ERICH3: variants seen among roughly 807,000 people sequenced by gnomAD.
The protein encoded by ERICH3 is glutamate rich 3.
ERICH3 carries 126 observed loss-of-function variants against 131.1 expected under a neutral mutation model. The observed-to-expected ratio is 0.96, with a 90% CI of 0.83 to 1.11. The LOEUF (loss-of-function observed/expected upper bound fraction) is 1.11, where lower values mean the gene tolerates loss of function less well. Ranked by LOEUF, ERICH3 falls within the 50% of genes most tolerant of loss-of-function variation. ERICH3 has a pLI of 0.00. For missense variants in ERICH3, 2,050 were observed against 1,810.7 expected (o/e 1.13, Z -2.40); for synonymous variants, 695 against 644.6 (o/e 1.08, Z -1.18).
intron 10 of ERICH3, among the ~76,000 whole-genome samples, chr1:74,602,701 G>T (rs1283591762): frequency 6.6e-6 from 1 of 151,748 alleles, no homozygotes; most frequent in Non-Finnish European, 1.5e-5. Flanking sequence ...TTTATCATAG[G>T]TATCATGAGT....
chr1:74,601,737 C>T (rs1001324828), intron 10 of ERICH3, among the ~76,000 whole-genome samples: 9 of 151,772 alleles, frequency 5.9e-5, no homozygotes, highest in African/African-American at 2.2e-4. Flanking sequence ...GCTGCAATTC[C>T]ATCCATAGTG....
intron 12 of ERICH3, chr1:74,579,619 G>A (rs1489682917): frequency 4.1e-6 from 4 of 985,252 alleles, no homozygotes; most frequent in Admixed American, 1.2e-4. Context: ...TCACTTGGTC[G>A]TTTTTTCTCA....
At chr1:74,577,379 C>T (rs1021010058) in intron 12 of ERICH3, 6 of 155,012 alleles carry the variant, frequency 3.9e-5, no homozygotes, top group African/African-American at 1.4e-4. Flanking sequence ...CCTCCAGCTT[C>T]CTCGGTGGCT....
chr1:74,653,383 G>A (rs1414565352), intron 1 of ERICH3, among the ~76,000 whole-genome samples: 1 of 151,912 alleles, frequency 6.6e-6, no homozygotes, highest in Non-Finnish European at 1.5e-5. Flanking sequence ...GTGTGTGTGT[G>A]TCTGTGTCTG....
At chr1:74,642,332 G>A (rs977800695) in intron 4 of ERICH3, among the ~76,000 whole-genome samples, 4 of 152,050 alleles carry the variant, frequency 2.6e-5, no homozygotes, top group Admixed American at 6.6e-5. Flanking sequence ...TTTGTGAAAC[G>A]TATCTTAGGC....
At position 74,673,676 on chromosome 1, in the gene ERICH3, C is replaced by A. The variant is rs1199746487; in HGVS notation, c.-157G>T. The A allele has an allele frequency of 3.3e-6, 2 of 614,412 alleles. No homozygotes were observed. Among genetic ancestry groups the A allele is most frequent in the East Asian group, 7.2e-5 (2 of 27,662 alleles). The allele number at this position is 614,412 out of a possible 1,614,324, so 38.1% of individuals were successfully genotyped here. Reference sequence around the variant, plus strand: ...GGGCTGGGCCGCCGCCGCCCCTGGGCGCCCGGGCTACCCGCAGCCTCCCGG... The same window carrying A: ...GGGCTGGGCCGCCGCCGCCCCTGGGAGCCCGGGCTACCCGCAGCCTCCCGG... On this transcript the variant is annotated 5_prime_UTR_variant, in exon 1 of 15. Coordinates refer to ENST00000326665, the MANE Select transcript of ERICH3 (RefSeq NM_001002912.5).
chr1:74,656,250 T>C (rs1434133360), intron 1 of ERICH3, among the ~76,000 whole-genome samples: 1 of 152,146 alleles, frequency 6.6e-6, no homozygotes, highest in Non-Finnish European at 1.5e-5. Flanking sequence ...TCTCTCACTG[T>C]TCATTGTGAG....
rs75582451 is a variant in ERICH3, at chr1:74,592,927, A to C, written c.1727-2847T>G. ...AAACTAATTTTATTTATTCTCTTAGAAATAAAGCAAATGCTTATATTAAAA... is the reference window on the plus strand; with the variant it reads ...AAACTAATTTTATTTATTCTCTTAGCAATAAAGCAAATGCTTATATTAAAA... On this transcript the variant is annotated intron_variant, in intron 11 of 14. Coordinates refer to ENST00000326665, the MANE Select transcript of ERICH3 (RefSeq NM_001002912.5). Among the ~76,000 whole-genome samples the C allele has an allele frequency of 7.1e-3, 1,084 of 152,280 alleles. 14 individuals are homozygous for C. The highest frequency in any genetic ancestry group is 0.025 in the African/African-American group (1,031 of 41,552).
At chr1:74,668,935 G>A (rs150056197) in intron 1 of ERICH3, among the ~76,000 whole-genome samples, 20 of 152,250 alleles carry the variant, frequency 1.3e-4, no homozygotes, top group African/African-American at 4.8e-4. Context: ...AGACTAGAAT[G>A]TTACTGTAGC....
Position 74,649,354 on chromosome 1 carries a change from G to C in ERICH3, c.24-39C>G, listed in dbSNP as rs779548220. ...ATAAAACCAATAAGCTTTTACAAGG[G>C]GTTGTTTGATAACCAAGGCAATTCT... On this transcript the variant is annotated intron_variant, in intron 1 of 14. Transcript: ENST00000326665. The C allele has an allele frequency of 2.0e-6, 3 of 1,516,064 alleles. No individual in the cohort carries two copies. In the African/African-American group the frequency reaches 4.1e-5, roughly 21 times the overall value. 93.9% of individuals were successfully genotyped at this position (1,516,064 alleles called of 1,614,324 possible). A position where few individuals can be genotyped will look rare whatever the true frequency, so the allele number is the denominator to read the frequency against.
intron 12 of ERICH3, among the ~76,000 whole-genome samples, chr1:74,581,435 C>A (rs1483414857): frequency 2.6e-5 from 4 of 152,026 alleles, no homozygotes; most frequent in Admixed American, 2.0e-4. Flanking sequence ...AATTGGTCAC[C>A]TTACAAATAC....
intron 12 of ERICH3, 179 bp downstream of exon 12, chr1:74,589,452 G>A (rs577153951): frequency 4.5e-6 from 3 of 665,956 alleles, no homozygotes; most frequent in African/African-American, 3.6e-5. Context: ...TGCAAGAGAA[G>A]GCAAACAGCA....
chr1:74,602,752 GA>G (rs1390092693), intron 10 of ERICH3, among the ~76,000 whole-genome samples: 3 of 149,774 alleles, frequency 2.0e-5, no homozygotes, highest in Non-Finnish European at 4.5e-5. Flanking sequence ...GTTGGTTTAA[GA>G]AAAAAAAAGA....
intron 12 of ERICH3, chr1:74,577,202 G>A (rs548312133): frequency 6.2e-6 from 2 of 323,442 alleles, no homozygotes; most frequent in East Asian, 5.0e-5. Flanking sequence ...GCTCTCCTTA[G>A]GGCCTGTCAA....
At chr1:74,649,352 G>T (rs1479276943) in intron 1 of ERICH3, 37 bp from the exon 2 acceptor site, 1 of 1,524,420 alleles carries the variant, frequency 6.6e-7, no homozygotes, top group African/African-American at 1.4e-5. Context: ...GCTTTTACAA[G>T]GGGTTGTTTG....
At chr1:74,590,578 T>C (rs896637239) in intron 11 of ERICH3, among the ~76,000 whole-genome samples, 1 of 152,180 alleles carries the variant, frequency 6.6e-6, no homozygotes, top group African/African-American at 2.4e-5. Flanking sequence ...GAGGATCTAA[T>C]GTTTCCACTG....
At chr1:74,639,679 A>G (rs1646420670) in intron 5 of ERICH3, among the ~76,000 whole-genome samples, 1 of 152,180 alleles carries the variant, frequency 6.6e-6, no homozygotes, top group South Asian at 2.1e-4. Flanking sequence ...ATTAGCTGAA[A>G]TGATTTTCCA....
At chr1:74,601,540 T>A (rs927154394) in intron 10 of ERICH3, among the ~76,000 whole-genome samples, 12 of 151,870 alleles carry the variant, frequency 7.9e-5, no homozygotes, top group African/African-American at 2.4e-4. Context: ...TAATTAATTA[T>A]GTGAAGTAGT....
chr1:74,587,443 ATCAAG>A (rs772048878), intron 12 of ERICH3, among the ~76,000 whole-genome samples: 10 of 151,976 alleles, frequency 6.6e-5, no homozygotes, highest in African/African-American at 1.4e-4. Context: ...TATAGATGTT[ATCAAG>A]TCAAGACCAT....
Sources: allele counts gnomAD v4.1 joint callset (sites outside exome capture counted in the v4.1 genomes callset), GRCh38; gene constraint gnomAD v4.1.1; transcripts MANE v1.5; gene names NCBI Gene and HGNC (gene_info 2026-07-23, HGNC 2026-07-21).